The following CCER1 variants were observed in gnomAD, a reference collection of about 807,000 sequenced individuals.
CCER1 encodes the protein coiled-coil glutamate rich protein 1.
For missense variants in CCER1, 573 were observed against 524.5 expected (o/e 1.09, Z -0.90); for synonymous variants, 246 against 213.8 (o/e 1.15, Z -1.31).
chr12:90,953,821 C>T lies in CCER1; in HGVS notation c.922G>A (p.Glu308Lys), dbSNP rs753959015. 1 of 1,548,788 alleles carries T rather than the reference C, an allele frequency of 6.5e-7. No individual in the cohort carries two copies. Among genetic ancestry groups the T allele is most frequent in the Non-Finnish European group, 8.9e-7 (1 of 1,121,546 alleles). ...KEASEEEEEV[E>K]DEEEEVEDEE... ...TCTTCGACCTCTTCCTCCTCATCTTCGACCTCTTCTTCCTCCTCGCTCGCC... is the reference window on the plus strand; with the variant it reads ...TCTTCGACCTCTTCCTCCTCATCTTTGACCTCTTCTTCCTCCTCGCTCGCC... The change falls in exon 1 of 1, where the codon GAA becomes AAA. Residue 308 changes from glutamate (E) to lysine (K), a missense_variant. Transcript: ENST00000358859.
Position 90,954,251 on chromosome 12 carries a change from C to A in CCER1, c.492G>T (p.Ala164=). The change falls in exon 1 of 1, where the codon GCG becomes GCT. Residue 164 remains alanine (A), a synonymous_variant. Transcript: ENST00000358859. ...CCGGCCGCGGCAGCGTGCTCACATCCGCTGGCGGGCTCCGCGGGTAGGAGT... is the reference window on the plus strand; with the variant it reads ...CCGGCCGCGGCAGCGTGCTCACATCAGCTGGCGGGCTCCGCGGGTAGGAGT... ...PRHSYPRSPP[A]DVSTLPRPVK... 1.2e-6 allele frequency: 2 copies of A among 1,604,646 alleles called. No homozygotes were observed. Among genetic ancestry groups the A allele is most frequent in the Non-Finnish European group, 1.7e-6 (2 of 1,179,216 alleles).
chr12:90,953,758 C>T lies in CCER1; in HGVS notation c.985G>A (p.Glu329Lys), dbSNP rs1375835355. ...EEEVEEAEYV[E>K]EGEEELEEEE... is the part of the protein sequence containing the mutation. ...TCTTCCAGCTCCTCCTCTCCCTCCT[C>T]CACATATTCAGCCTCTTCGACCTCT... The change falls in exon 1 of 1, where the codon GAG becomes AAG. Residue 329 changes from glutamate (E) to lysine (K), a missense_variant. Physicochemically the swap from Glu to Lys is moderately conservative, Grantham distance 56. Coordinates refer to ENST00000358859, the MANE Select transcript of CCER1 (RefSeq NM_152638.4). 6.4e-7 allele frequency: 1 copy of T among 1,565,246 alleles called. No individual in the cohort carries two copies.
chr12:90,953,809 C>T lies in CCER1; in HGVS notation c.934G>A (p.Glu312Lys), dbSNP rs1876549440. The change falls in exon 1 of 1, where the codon GAA becomes AAA. Residue 312 changes from glutamate to lysine, a missense_variant. Physicochemically the swap from Glu to Lys is moderately conservative, Grantham distance 56. Coordinates refer to ENST00000358859, the MANE Select transcript of CCER1 (RefSeq NM_152638.4). ...EEEEEVEDEE[E>K]EVEDEEEEEV... ...TCTTCCTCCTCATCTTCGACCTCTT[C>T]CTCCTCATCTTCGACCTCTTCTTCC... 6.5e-7 allele frequency: 1 copy of T among 1,548,738 alleles called. No homozygotes were observed. The highest frequency in any genetic ancestry group is 8.9e-7 in the Non-Finnish European group (1 of 1,121,090).
Position 90,954,562 on chromosome 12 carries a change from C to T in CCER1, c.181G>A (p.Gly61Arg), listed in dbSNP as rs781647721. Reference protein sequence around the residue: ...PHRYSPKTEYGPPRKQPKQQH... With the variant: ...PHRYSPKTEYRPPRKQPKQQH... ...TGCTTCGGCTGCTTCCTTGGGGGCC[C>T]ATACTCGGTCTTGGGGCTATATCGG... Residue 61 changes from glycine to arginine, a missense_variant, in exon 1 of 1, where the codon GGG becomes AGG. Coordinates refer to ENST00000358859, the MANE Select transcript of CCER1 (RefSeq NM_152638.4). 30 of 1,613,814 alleles carry T rather than the reference C, an allele frequency of 1.9e-5. No individual in the cohort carries two copies. The highest frequency in any genetic ancestry group is 2.4e-5 in the Non-Finnish European group (28 of 1,179,920).
At position 90,954,318 on chromosome 12, in the gene CCER1, C is replaced by G; in HGVS notation, c.425G>C (p.Arg142Pro). 1 of 1,603,320 alleles carries G rather than the reference C, an allele frequency of 6.2e-7. No individual in the cohort carries two copies. The highest frequency in any genetic ancestry group is 8.5e-7 in the Non-Finnish European group (1 of 1,178,454). Reference protein sequence around the residue: ...GWVKPPGRKKRWGRRGRGLRH... With the variant: ...GWVKPPGRKKPWGRRGRGLRH... ...CAGGCCGCGGCCTCTGCGGCCCCAG[C>G]GCTTCTTCCTGCCTGGGGGCTTCAC... The change falls in exon 1 of 1, where the codon CGC becomes CCC. Residue 142 changes from arginine to proline, a missense_variant. Arg to Pro is a moderately radical substitution (Grantham distance 103). Transcript: ENST00000358859.
At position 90,954,556 on chromosome 12, in the gene CCER1, G is replaced by A. The variant is rs1210890247; in HGVS notation, c.187C>T (p.Pro63Ser). Reference protein sequence around the residue: ...RYSPKTEYGPPRKQPKQQHGP... With the variant: ...RYSPKTEYGPSRKQPKQQHGP... ...TGCTGTTGCTTCGGCTGCTTCCTTG[G>A]GGGCCCATACTCGGTCTTGGGGCTA... Residue 63 changes from proline to serine, a missense_variant, in exon 1 of 1, where the codon CCA becomes TCA. Physicochemically the swap from Pro to Ser is moderately conservative, Grantham distance 74. Coordinates refer to ENST00000358859, the MANE Select transcript of CCER1 (RefSeq NM_152638.4). The A allele has an allele frequency of 6.2e-7, 1 of 1,613,844 alleles. No individual in the cohort carries two copies. Among genetic ancestry groups the A allele is most frequent in the Non-Finnish European group, 8.5e-7 (1 of 1,179,808 alleles).
In CCER1 at chr12:90,953,952, T is replaced by G; in HGVS notation, c.791A>C (p.Asn264Thr). 2 of 1,614,236 alleles carry G rather than the reference T, an allele frequency of 1.2e-6. No homozygotes were observed. The highest frequency in any genetic ancestry group is 1.7e-6 in the Non-Finnish European group (2 of 1,180,032). ...VQNPSLAFSP[N>T]PEENQSLAPL... is the part of the protein sequence containing the mutation. ...GGCAAGAGACTGGTTTTCCTCTGGG[T>G]TGGGACTGAATGCTAGAGAGGGATT... is the stretch of plus-strand genomic sequence containing the variant. Residue 264 changes from asparagine to threonine, a missense_variant, in exon 1 of 1, where the codon AAC becomes ACC. Coordinates refer to ENST00000358859, the MANE Select transcript of CCER1 (RefSeq NM_152638.4).
chr12:90,954,935 A>G lies in CCER1; in HGVS notation c.-193T>C, dbSNP rs1205876321. 1 of 1,129,362 alleles carries G rather than the reference A, an allele frequency of 8.9e-7. No individual in the cohort carries two copies. Among genetic ancestry groups the G allele is most frequent in the African/African-American group, 1.6e-5 (1 of 63,358 alleles). 70.0% of individuals were successfully genotyped at this position (1,129,362 alleles called of 1,614,324 possible). On this transcript the variant is annotated 5_prime_UTR_variant, in exon 1 of 1. Transcript: ENST00000358859. ...CTGGTTTGCACGCTCTTCGGTAGTA[A>G]TCGCTTGTCCTTCGCACCTGGGTTG...
rs1382753860 is a variant in CCER1, at chr12:90,954,311, G to A, written c.432C>T (p.Gly144=). The A allele has an allele frequency of 6.2e-7, 1 of 1,602,550 alleles. No individual in the cohort carries two copies. ...GGTGGCGCAGGCCGCGGCCTCTGCG[G>A]CCCCAGCGCTTCTTCCTGCCTGGGG... ...VKPPGRKKRW[G]RRGRGLRHHP... Residue 144 remains glycine (G), a synonymous_variant, in exon 1 of 1, where the codon GGC becomes GGT. Transcript: ENST00000358859.
rs1459098193 is a variant in CCER1 at position 90,954,284 on chromosome 12, G to A, written c.459C>T (p.His153=). ...WGRRGRGLRH[H]PRHSYPRSPP... is the part of the protein sequence containing the mutation. ...GGCTCCGCGGGTAGGAGTGGCGAGGGTGGTGGCGCAGGCCGCGGCCTCTGC... is the reference window on the plus strand; with the variant it reads ...GGCTCCGCGGGTAGGAGTGGCGAGGATGGTGGCGCAGGCCGCGGCCTCTGC... Residue 153 remains histidine (H), a synonymous_variant, in exon 1 of 1, where the codon CAC becomes CAT. Coordinates refer to ENST00000358859, the MANE Select transcript of CCER1 (RefSeq NM_152638.4). 1 of 1,601,316 alleles carries A rather than the reference G, an allele frequency of 6.2e-7. No individual in the cohort carries two copies. The highest frequency in any genetic ancestry group is 8.5e-7 in the Non-Finnish European group (1 of 1,178,048).
Position 90,954,627 on chromosome 12 carries a change from T to C in CCER1, c.116A>G (p.His39Arg). The change falls in exon 1 of 1, where the codon CAT becomes CGT. Residue 39 changes from histidine to arginine, a missense_variant. Transcript: ENST00000358859. Reference sequence around the variant, plus strand: ...CGCTGGAGCACCCGGGCGCCTTCGATGGCAGGACGACCAGGAGCTCAAGGA... The same window carrying C: ...CGCTGGAGCACCCGGGCGCCTTCGACGGCAGGACGACCAGGAGCTCAAGGA... ...SASLSSWSSCHRRRPGAPAYN... is the reference protein window; with the variant it reads ...SASLSSWSSCRRRRPGAPAYN... 3.1e-6 allele frequency: 5 copies of C among 1,612,738 alleles called. No homozygotes were observed. Among genetic ancestry groups the C allele is most frequent in the Non-Finnish European group, 4.2e-6 (5 of 1,179,760 alleles).
Position 90,954,265 on chromosome 12 carries a change from G to A in CCER1, c.478C>T (p.Arg160Trp), listed in dbSNP as rs1228057548. Residue 160 changes from arginine to tryptophan, a missense_variant, in exon 1 of 1, where the codon CGG (arginine) becomes TGG (tryptophan). By Grantham distance (101) the Arg-to-Trp change is moderately radical. Transcript: ENST00000358859. ...GTGCTCACATCCGCTGGCGGGCTCC[G>A]CGGGTAGGAGTGGCGAGGGTGGTGG... ...LRHHPRHSYP[R>W]SPPADVSTLP... The A allele has an allele frequency of 6.2e-7, 1 of 1,602,842 alleles. No individual in the cohort carries two copies. Among genetic ancestry groups the A allele is most frequent in the Admixed American group, 1.7e-5 (1 of 59,876 alleles).
In CCER1 at chr12:90,952,291, T is replaced by TA. The variant is rs1876494620; in HGVS notation, c.*1230_*1231insT. ...TGTAATATATCAGTAACAACCAACA[T>TA]TCAGGTAAGACATCACCACACATTC... is the stretch of plus-strand genomic sequence containing the variant. On this transcript the variant is annotated 3_prime_UTR_variant, in exon 1 of 1. Transcript: ENST00000358859. 6.5e-6 allele frequency: 1 copy of TA among 152,740 alleles called. No individual in the cohort carries two copies. The highest frequency in any genetic ancestry group is 2.4e-5 in the African/African-American group (1 of 41,576). 9.5% of individuals were successfully genotyped at this position (152,740 alleles called of 1,614,324 possible).
rs779309202 is a variant in CCER1, at chr12:90,953,888, A to T, written c.855T>A (p.Asp285Glu). ...LVEEEEEKKN[D>E]DEEEYDQEVC... Reference sequence around the variant, plus strand: ...CCTCCTGGTCATACTCCTCCTCATCATCATTTTTCTTCTCCTCCTCTTCTT... The same window carrying T: ...CCTCCTGGTCATACTCCTCCTCATCTTCATTTTTCTTCTCCTCCTCTTCTT... The change falls in exon 1 of 1, where the codon GAT becomes GAA. Residue 285 changes from aspartate (D) to glutamate (E), a missense_variant. By Grantham distance (45) the Asp-to-Glu change is conservative. Coordinates refer to ENST00000358859, the MANE Select transcript of CCER1 (RefSeq NM_152638.4). The T allele has an allele frequency of 2.0e-5, 33 of 1,613,354 alleles. No homozygotes were observed. The highest frequency in any genetic ancestry group is 1.3e-4 in the South Asian group (12 of 91,076).
chr12:90,954,503 G>A lies in CCER1; in HGVS notation c.240C>T (p.Pro80=), dbSNP rs776702190. Residue 80 remains proline (P), a synonymous_variant, in exon 1 of 1, where the codon CCC becomes CCT. Transcript: ENST00000358859. ...QHGPGFWFQP[P]VCSNWGCWGG... ...CCCAGCACCCCCAGTTAGAGCACAC[G>A]GGTGGTTGGAACCAAAAGCCCGGGC... 2.5e-5 allele frequency: 41 copies of A among 1,611,176 alleles called. No individual in the cohort carries two copies. Among genetic ancestry groups the A allele is most frequent in the Non-Finnish European group, 2.0e-5 (23 of 1,177,882 alleles).
rs1876527182 is a variant in CCER1, at chr12:90,953,351, A to C, written c.*171T>G. Reference sequence around the variant, plus strand: ...TTGAAAGCTTCCCCACCACCCACCCATAGTCATACACATACGCATCAAATT... The same window carrying C: ...TTGAAAGCTTCCCCACCACCCACCCCTAGTCATACACATACGCATCAAATT... On this transcript the variant is annotated 3_prime_UTR_variant, in exon 1 of 1. Coordinates refer to ENST00000358859, the MANE Select transcript of CCER1 (RefSeq NM_152638.4). 1.5e-6 allele frequency: 1 copy of C among 646,664 alleles called. No individual in the cohort carries two copies. Among genetic ancestry groups the C allele is most frequent in the South Asian group, 3.4e-5 (1 of 29,652 alleles). The allele number at this position is 646,664 out of a possible 1,614,324, so 40.1% of individuals were successfully genotyped here.
At position 90,953,996 on chromosome 12, in the gene CCER1, A is replaced by C. The variant is rs751501096; in HGVS notation, c.747T>G (p.Thr249=). 28 of 1,614,022 alleles carry C rather than the reference A, an allele frequency of 1.7e-5. No individual in the cohort carries two copies. The highest frequency in any genetic ancestry group is 2.0e-5 in the Non-Finnish European group (24 of 1,180,028). ...GSKETWGLQE[T]LYGFVQNPSL... is the part of the protein sequence containing the mutation. ...AGGGATTCTGCACAAAGCCATACAG[A>C]GTTTCCTGCAGTCCCCAGGTTTCCT... The change falls in exon 1 of 1, where the codon ACT becomes ACG. Residue 249 remains threonine (T), a synonymous_variant. Transcript: ENST00000358859.
chr12:90,954,232 G>T lies in CCER1; in HGVS notation c.511C>A (p.Arg171=). The change falls in exon 1 of 1, where the codon CGG becomes AGG. Residue 171 remains arginine, a synonymous_variant. Transcript: ENST00000358859. ...SPPADVSTLP[R]PVKLYEWREP... is the part of the protein sequence containing the mutation. The stretch of plus-strand genomic sequence containing the variant: ...CTCCACTCATACAGCTTGACCGGCC[G>T]CGGCAGCGTGCTCACATCCGCTGGC... 1.2e-6 allele frequency: 2 copies of T among 1,606,578 alleles called. No homozygotes were observed. Among genetic ancestry groups the T allele is most frequent in the Middle Eastern group, 1.6e-4 (1 of 6,062 alleles).
chr12:90,953,833 C>T lies in CCER1; in HGVS notation c.910G>A (p.Glu304Lys), dbSNP rs1366159059. ...VCDAKEASEE[E>K]EEVEDEEEEV... ...TCCTCCTCATCTTCGACCTCTTCTT[C>T]CTCCTCGCTCGCCTCCTTTGCATCA... Residue 304 changes from glutamate to lysine, a missense_variant, in exon 1 of 1, where the codon GAA becomes AAA. Transcript: ENST00000358859. 7.6e-6 allele frequency: 12 copies of T among 1,585,060 alleles called. No homozygotes were observed. Among genetic ancestry groups the T allele is most frequent in the Non-Finnish European group, 1.0e-5 (12 of 1,153,762 alleles).
Sources: allele counts gnomAD v4.1 joint callset, GRCh38; gene constraint gnomAD v4.1.1; transcripts MANE v1.5; gene names NCBI Gene and HGNC (gene_info 2026-07-23, HGNC 2026-07-21).